Variants in CNTRL observed in about 807,000 individuals in gnomAD.
CNTRL encodes the protein centriolin, also known as 110 kDa centrosomal protein.
In CNTRL, 233 loss-of-function variants were observed where a neutral mutation model predicts 303.7. The ratio of observed to expected loss-of-function variants is 0.77; its 90% confidence interval spans 0.69 to 0.86. The LOEUF (loss-of-function observed/expected upper bound fraction) is 0.86. Ranked by LOEUF, CNTRL falls within the 40% of genes least tolerant of loss-of-function variation. The pLI, the probability that CNTRL is intolerant of heterozygous loss-of-function variation, is 0.00. For missense variants in CNTRL, 2,524 were observed against 2,650.6 expected (o/e 0.95, Z 1.05); for synonymous variants, 900 against 922.2 (o/e 0.98, Z 0.44).
intron 13 of CNTRL, among the ~76,000 whole-genome samples, chr9:121,124,315 G>C (rs942326963): frequency 4.7e-4 from 72 of 152,284 alleles, no homozygotes; most frequent in African/African-American, 1.7e-3. Flanking sequence ...ATTCCAGTCA[G>C]TAGGCCAGAA....
At chr9:121,152,211 C>T in intron 25 of CNTRL, 1 of 365,382 alleles carries the variant, frequency 2.7e-6, no homozygotes. Flanking sequence ...ATCTCTTCTG[C>T]TAGACCCCGA....
At chr9:121,128,563 T>A (rs895475937) in intron 14 of CNTRL, among the ~76,000 whole-genome samples, 21 of 152,240 alleles carry the variant, frequency 1.4e-4, no homozygotes, top group African/African-American at 4.8e-4. Context: ...ATGAGCAGAT[T>A]GCAAAAATTT....
rs1389576308 is a variant in CNTRL at position 121,116,053 on chromosome 9, AT to A, written c.1455+854del. Among the ~76,000 whole-genome samples, 7 of 152,252 alleles carry A rather than the reference AT, an allele frequency of 4.6e-5. No individual in the cohort carries two copies. In the Middle Eastern group the frequency reaches 0.01, roughly 222 times the overall value. ...AGGCAATAAACAAAAAGGAAAAAAA[AT>A]ATTTATTTAAAAAAAAGGAAAGAAG... On this transcript the variant is annotated intron_variant, in intron 11 of 43. Transcript: ENST00000373855.
intron 1 of CNTRL, among the ~76,000 whole-genome samples, chr9:121,078,843 G>T (rs571279666): frequency 6.6e-6 from 1 of 152,332 alleles, no homozygotes; most frequent in East Asian, 1.9e-4. Flanking sequence ...GCGTAAGGCA[G>T]GTGGGAAGGG....
intron 14 of CNTRL, among the ~76,000 whole-genome samples, chr9:121,126,521 T>C (rs2050534209): frequency 6.6e-6 from 1 of 152,218 alleles, no homozygotes; most frequent in African/African-American, 2.4e-5. Flanking sequence ...TTTAATATTA[T>C]GAAATATCTC....
chr9:121,147,524 A>G (rs905476957), intron 23 of CNTRL, among the ~76,000 whole-genome samples: 3 of 152,210 alleles, frequency 2.0e-5, no homozygotes, highest in Non-Finnish European at 2.9e-5. Context: ...CCAGAGCTAG[A>G]TCAGTGGAGC....
chr9:121,109,636 TA>T (rs1404097448), intron 8 of CNTRL, among the ~76,000 whole-genome samples: 1 of 152,106 alleles, frequency 6.6e-6, no homozygotes, highest in East Asian at 1.9e-4. Context: ...TTCTTTAGCA[TA>T]AACCACTAGA....
At chr9:121,161,775 A>T in intron 32 of CNTRL, 81 bp from the exon 33 acceptor site, 2 of 1,032,960 alleles carry the variant, frequency 1.9e-6, no homozygotes, top group Non-Finnish European at 1.5e-6. Flanking sequence ...ATTAGTCAAT[A>T]GCATTGTTTT....
At chr9:121,138,093 C>G (rs1367827961) in intron 15 of CNTRL, among the ~76,000 whole-genome samples, 5 of 152,082 alleles carry the variant, frequency 3.3e-5, no homozygotes, top group Non-Finnish European at 7.4e-5. Flanking sequence ...ATTCCTTGGC[C>G]CCACCCACTC....
At position 121,161,925 on chromosome 9, in the gene CNTRL, A is replaced by T; in HGVS notation, c.5159A>T (p.Asp1720Val). ...CTACAAGGTTTGAAGCTACAACATG[A>T]CCAAAGGGTATCTGAATTAGAGAAG... ...HELQGLKLQH[D>V]QRVSELEKTQ... The change falls in exon 33 of 44, where the codon GAC (aspartate) becomes GTC (valine). Residue 1720 changes from aspartate to valine, a missense_variant. Physicochemically the swap from Asp to Val is radical, Grantham distance 152 (BLOSUM62 -3). Transcript: ENST00000373855. The T allele has an allele frequency of 6.2e-7, 1 of 1,614,220 alleles. No homozygotes were observed. The highest frequency in any genetic ancestry group is 8.5e-7 in the Non-Finnish European group (1 of 1,180,034).
chr9:121,141,739 A>C, intron 18 of CNTRL, 151 bp downstream of exon 18: 12 of 742,190 alleles, frequency 1.6e-5, no homozygotes, highest in Non-Finnish European at 2.6e-5. Flanking sequence ...ACTAAAACTC[A>C]ACCCTGAATG....
chr9:121,160,451 A>ATGT (rs3047906), intron 32 of CNTRL, 149 bp downstream of exon 32: 339,781 of 482,210 alleles, frequency 0.7, 123,344 homozygotes, highest in East Asian at 0.96. Context: ...AAGGAATATG[A>ATGT]TATTTTCTGC....
intron 21 of CNTRL, 140 bp from the exon 22 acceptor site, chr9:121,145,104 T>G: frequency 8.7e-7 from 1 of 1,146,652 alleles, no homozygotes; most frequent in South Asian, 1.5e-5. Flanking sequence ...GTGCCAGGCT[T>G]GGTGCAGTTT....
chr9:121,083,432 C>T (rs965810051), intron 2 of CNTRL, among the ~76,000 whole-genome samples: 4 of 152,072 alleles, frequency 2.6e-5, no homozygotes, highest in African/African-American at 9.7e-5. Flanking sequence ...CACACATTAG[C>T]CTAGGCCTGT....
chr9:121,117,756 G>A (rs2050043084), intron 11 of CNTRL, among the ~76,000 whole-genome samples: 1 of 152,126 alleles, frequency 6.6e-6, no homozygotes, highest in African/African-American at 2.4e-5. Context: ...GAGACGGGTG[G>A]ATCATGAGGT....
chr9:121,078,871 C>T (rs538819551), intron 1 of CNTRL, among the ~76,000 whole-genome samples: 1 of 152,274 alleles, frequency 6.6e-6, no homozygotes, highest in South Asian at 2.1e-4. Context: ...GCTTCCACAC[C>T]CTCTCTGGGT....
At chr9:121,089,465 A>G (rs1325967358) in intron 3 of CNTRL, among the ~76,000 whole-genome samples, 1 of 152,198 alleles carries the variant, frequency 6.6e-6, no homozygotes, top group Non-Finnish European at 1.5e-5. Flanking sequence ...GTAATGTGGC[A>G]TTAACAGTCT....
rs747286185 is a variant in CNTRL at position 121,140,793 on chromosome 9, A to G, written c.2483+7A>G. 4 of 1,609,546 alleles carry G rather than the reference A, an allele frequency of 2.5e-6. No homozygotes were observed. Among genetic ancestry groups the G allele is most frequent in the Non-Finnish European group, 2.5e-6 (3 of 1,177,130 alleles). ...TAGGAACTGGGGAAATGAAGTAAGG[A>G]AAAAGCAAGACCTCCAAGTCTAGAG... is the stretch of plus-strand genomic sequence containing the variant. On this transcript the variant is annotated splice_region_variant and intron_variant, in intron 17 of 43. Coordinates refer to ENST00000373855, the MANE Select transcript of CNTRL (RefSeq NM_007018.6).
At chr9:121,132,023 T>C (rs1462736731) in intron 14 of CNTRL, among the ~76,000 whole-genome samples, 1 of 152,250 alleles carries the variant, frequency 6.6e-6, no homozygotes, top group Non-Finnish European at 1.5e-5. Context: ...TGGGCTTCCC[T>C]TTGTGGGTAA....
Sources: allele counts gnomAD v4.1 joint callset (sites outside exome capture counted in the v4.1 genomes callset), GRCh38; gene constraint gnomAD v4.1.1; transcripts MANE v1.5; gene names NCBI Gene and HGNC (gene_info 2026-07-23, HGNC 2026-07-21).